The following GPNMB variants were observed in gnomAD, a reference collection of about 807,000 sequenced individuals.
GPNMB encodes glycoprotein nmb, also known as transmembrane glycoprotein NMB.
A neutral mutation model predicts 57.3 loss-of-function variants in GPNMB; 71 were observed. The observed-to-expected ratio is 1.24, with a 90% CI of 1.02 to 1.51. The LOEUF is 1.51. Among genes scored for constraint, GPNMB ranks in the 40% most tolerant of loss-of-function variants. GPNMB has a pLI of 0.00. For synonymous variants in GPNMB, 253 were observed against 263.2 expected, an observed-to-expected ratio of 0.96 and a Z score of 0.38; for missense variants, 677 against 691.9, an observed-to-expected ratio of 0.98 and a Z score of 0.24.
In GPNMB at chr7:23,267,965, C is replaced by T; in HGVS notation, c.1197C>T (p.Asp399=). 1 of 1,612,436 alleles carries T rather than the reference C, an allele frequency of 6.2e-7. No homozygotes were observed. The highest frequency in any genetic ancestry group is 2.2e-5 in the East Asian group (1 of 44,868). Residue 399 remains aspartate, a synonymous_variant, in exon 8 of 11, where the codon GAC becomes GAT. Coordinates refer to ENST00000258733, the MANE Select transcript of GPNMB (RefSeq NM_002510.3). The stretch of plus-strand genomic sequence containing the variant: ...CATGGCCTGAAAGCTCCCTAATAGA[C>T]TTTGTCGTGACCTGCCAAGGGAGGT... The part of the protein sequence containing the change: ...PVPWPESSLI[D]FVVTCQGSIP...
At position 23,256,937 on chromosome 7, in the gene GPNMB, G is replaced by A. The variant is rs939201212; in HGVS notation, c.413G>A (p.Trp138Ter). 1.9e-6 allele frequency: 3 copies of A among 1,614,048 alleles called. No individual in the cohort carries two copies. Among genetic ancestry groups the A allele is most frequent in the Admixed American group, 3.3e-5 (2 of 60,006 alleles). ...ADPYVYNWTAWSEDSDGENGT... is the reference protein window; with the variant it reads ...ADPYVYNWTA ...CCGTATGTTTACAACTGGACAGCAT[G>A]GTCAGAGGACAGTGACGGGGAAAAT... The change falls in exon 4 of 11, where the codon TGG becomes TAG. Residue 138 changes from tryptophan to a stop codon, truncating the protein, a stop_gained. Coordinates refer to ENST00000258733, the MANE Select transcript of GPNMB (RefSeq NM_002510.3). LOFTEE classifies it high-confidence loss of function.
intron 9 of GPNMB, among the ~76,000 whole-genome samples, chr7:23,272,569 C>T (rs1783236285): frequency 6.6e-6 from 1 of 152,160 alleles, no homozygotes; most frequent in Non-Finnish European, 1.5e-5. Flanking sequence ...GGGATTGCAG[C>T]TTAATAGCTT....
intron 6 of GPNMB, among the ~76,000 whole-genome samples, chr7:23,263,450 G>A (rs1163407228): frequency 4.6e-5 from 7 of 151,522 alleles, no homozygotes; most frequent in African/African-American, 1.5e-4. Context: ...CGTCTCTACC[G>A]AAAATATAAA....
intron 6 of GPNMB, 110 bp downstream of exon 6, chr7:23,260,883 G>A (rs899972860): frequency 2.5e-6 from 2 of 791,252 alleles, no homozygotes; most frequent in Non-Finnish European, 3.7e-6. Flanking sequence ...GGACTCTGCG[G>A]TGATTCCATT....
intron 10 of GPNMB, 98 bp from the exon 11 acceptor site, chr7:23,273,967 A>G (rs1289244746): frequency 1.1e-6 from 1 of 896,258 alleles, no homozygotes; most frequent in African/African-American, 1.7e-5. Context: ...TGTTAAATGG[A>G]ATGAATCCTT....
chr7:23,267,588 C>T (rs1439264423), intron 7 of GPNMB, among the ~76,000 whole-genome samples: 1 of 152,124 alleles, frequency 6.6e-6, no homozygotes, highest in Non-Finnish European at 1.5e-5. Flanking sequence ...GGTGAGGACT[C>T]ACTTCCTGGT....
Position 23,256,942 on chromosome 7 carries a change from G to C in GPNMB, c.418G>C (p.Glu140Gln). The change falls in exon 4 of 11, where the codon GAG (glutamate) becomes CAG (glutamine). Residue 140 changes from glutamate to glutamine, a missense_variant. Transcript: ENST00000258733. Reference sequence around the variant, plus strand: ...TGTTTACAACTGGACAGCATGGTCAGAGGACAGTGACGGGGAAAATGGCAC... The same window carrying C: ...TGTTTACAACTGGACAGCATGGTCACAGGACAGTGACGGGGAAAATGGCAC... ...PYVYNWTAWS[E>Q]DSDGENGTGQ... The C allele has an allele frequency of 6.2e-7, 1 of 1,614,202 alleles. No individual in the cohort carries two copies.
At chr7:23,249,043 C>G (rs987556262) in intron 1 of GPNMB, among the ~76,000 whole-genome samples, 1 of 152,156 alleles carries the variant, frequency 6.6e-6, no homozygotes, top group Non-Finnish European at 1.5e-5. Context: ...TCCCAGAATG[C>G]TAGGACTACA....
Position 23,274,812 on chromosome 7 carries a change from T to C in GPNMB, c.*588T>C, listed in dbSNP as rs1172187695. ...TTGGTGACAACCTACTTTGCTTGGC[T>C]GAGTGAAGGAATGATATTCATATAT... On this transcript the variant is annotated 3_prime_UTR_variant, in exon 11 of 11. Coordinates refer to ENST00000258733, the MANE Select transcript of GPNMB (RefSeq NM_002510.3). 6.6e-6 allele frequency: 1 copy of C among 152,242 alleles called. No homozygotes were observed. The highest frequency in any genetic ancestry group is 1.5e-5 in the Non-Finnish European group (1 of 68,086). The allele number at this position is 152,242 out of a possible 1,614,324, so 9.4% of individuals were successfully genotyped here. A position where few individuals can be genotyped will look rare whatever the true frequency, so the allele number is the denominator to read the frequency against.
intron 4 of GPNMB, chr7:23,257,619 AGG>A: frequency 6.4e-6 from 1 of 156,660 alleles, no homozygotes; most frequent in Non-Finnish European, 1.4e-5. Flanking sequence ...TTGCAGTGAG[AGG>A]AGATTGAGCC....
chr7:23,271,612 A>T (rs1460160483), intron 9 of GPNMB, among the ~76,000 whole-genome samples: 1 of 152,230 alleles, frequency 6.6e-6, no homozygotes, highest in Non-Finnish European at 1.5e-5. Context: ...CCTGGCCAAC[A>T]TAGTGAAACC....
At chr7:23,261,936 C>T (rs1476773862) in intron 6 of GPNMB, among the ~76,000 whole-genome samples, 1 of 152,168 alleles carries the variant, frequency 6.6e-6, no homozygotes, top group African/African-American at 2.4e-5. Flanking sequence ...CCCCACGCTA[C>T]CCCATGCCAT....
chr7:23,262,848 G>C (rs1421023722), intron 6 of GPNMB, among the ~76,000 whole-genome samples: 1 of 151,774 alleles, frequency 6.6e-6, no homozygotes, highest in Non-Finnish European at 1.5e-5. Context: ...TCCAACTCTT[G>C]AGCACAGGTG....
At position 23,274,769 on chromosome 7, in the gene GPNMB, T is replaced by G. The variant is rs1030195811; in HGVS notation, c.*545T>G. On this transcript the variant is annotated 3_prime_UTR_variant, in exon 11 of 11. Transcript: ENST00000258733. ...AGACTCAGAAAAAATACTACTCTCA[T>G]AAATGGGTGGGAGTATTTTGGTGAC... is the stretch of plus-strand genomic sequence containing the variant. 3 of 152,338 alleles carry G rather than the reference T, an allele frequency of 2.0e-5. No individual in the cohort carries two copies. The highest frequency in any genetic ancestry group is 6.8e-3 in the Middle Eastern group (2 of 294). 9.4% of individuals were successfully genotyped at this position (152,338 alleles called of 1,614,324 possible). A position where few individuals can be genotyped will look rare whatever the true frequency, so the allele number is the denominator to read the frequency against.
At position 23,260,486 on chromosome 7, in the gene GPNMB, A is replaced by G; in HGVS notation, c.731A>G (p.Gln244Arg). ...DQIPVFVTMF[Q>R]KNDRNSSDET... ...ATTCCTGTGTTTGTGACTATGTTCC[A>G]GAAGAACGATCGAAATTCATCCGAC... The change falls in exon 6 of 11, where the codon CAG (glutamine) becomes CGG (arginine). Residue 244 changes from glutamine (Q) to arginine (R), a missense_variant. Gln to Arg is a conservative substitution (Grantham distance 43, BLOSUM62 1). Coordinates refer to ENST00000258733, the MANE Select transcript of GPNMB (RefSeq NM_002510.3). The G allele has an allele frequency of 1.2e-6, 2 of 1,613,694 alleles. No individual in the cohort carries two copies. The highest frequency in any genetic ancestry group is 8.5e-7 in the Non-Finnish European group (1 of 1,179,642).
chr7:23,259,979 G>A lies in GPNMB; in HGVS notation c.542-1G>A. 1 of 1,613,920 alleles carries A rather than the reference G, an allele frequency of 6.2e-7. No homozygotes were observed. The highest frequency in any genetic ancestry group is 8.5e-7 in the Non-Finnish European group (1 of 1,179,890). On this transcript the variant is annotated splice_acceptor_variant, in intron 4 of 10. Transcript: ENST00000258733. LOFTEE classifies it high-confidence loss of function. ...AACTAAAAATTTCCATCCTCCCAAA[G>A]GTCAGTATTTCCAGAAATTGGGACG... is the stretch of plus-strand genomic sequence containing the variant.
intron 3 of GPNMB, among the ~76,000 whole-genome samples, chr7:23,255,429 A>G (rs945651398): frequency 6.6e-6 from 1 of 152,172 alleles, no homozygotes; most frequent in Admixed American, 6.5e-5. Flanking sequence ...GTAATATTCC[A>G]TCACATTTTC....
intron 6 of GPNMB, among the ~76,000 whole-genome samples, chr7:23,261,563 C>T (rs868743638): frequency 6.6e-6 from 1 of 152,048 alleles, no homozygotes; most frequent in African/African-American, 2.4e-5. Flanking sequence ...TTCTCATTCA[C>T]AGGTGGGAAC....
intron 6 of GPNMB, among the ~76,000 whole-genome samples, chr7:23,264,507 G>GC (rs1365867837): frequency 1.3e-5 from 2 of 152,002 alleles, no homozygotes; most frequent in Non-Finnish European, 2.9e-5. Context: ...CTAGTAGCCA[G>GC]CACTACAGGC....
Sources: allele counts gnomAD v4.1 joint callset (sites outside exome capture counted in the v4.1 genomes callset), GRCh38; gene constraint gnomAD v4.1.1; transcripts MANE v1.5; gene names NCBI Gene and HGNC (gene_info 2026-07-23, HGNC 2026-07-21).